CHRM2: variants seen among roughly 807,000 people sequenced by gnomAD.
CHRM2 encodes the protein cholinergic receptor muscarinic 2, also known as muscarinic acetylcholine receptor M2.
In CHRM2, 8 loss-of-function variants were observed where a neutral mutation model predicts 25.0. The observed-to-expected ratio is 0.32, with a 90% CI of 0.19 to 0.58. CHRM2 has a LOEUF of 0.58. CHRM2 is among the 20% of genes least tolerant of loss of function. The probability of loss-of-function intolerance (pLI) is 0.88; values close to 1 mark genes in which losing one functional copy is unlikely to be tolerated. For synonymous variants in CHRM2, 202 were observed against 205.7 expected (o/e 0.98, Z 0.15); for missense variants, 440 against 567.1 (o/e 0.78, Z 2.28).
chr7:136,876,856 G>A lies in CHRM2; in HGVS notation c.-125+7438G>A, dbSNP rs533346039. On this transcript the variant is annotated intron_variant, in intron 2 of 3. Coordinates refer to ENST00000680005, the MANE Select transcript of CHRM2 (RefSeq NM_001006630.2). Reference sequence around the variant, plus strand: ...GTCAATATTCATGTCACCAGGTATAGTGCTTTAAATGATAAGATTCTGAAT... The same window carrying A: ...GTCAATATTCATGTCACCAGGTATAATGCTTTAAATGATAAGATTCTGAAT... 2.6e-5 allele frequency among the ~76,000 whole-genome samples: 4 copies of A among 152,152 alleles called. No individual in the cohort carries two copies. The South Asian group carries it at 8.3e-4, about 32-fold the overall frequency.
intron 2 of CHRM2, among the ~76,000 whole-genome samples, chr7:136,971,382 G>A (rs1801756651): frequency 6.6e-6 from 1 of 152,114 alleles, no homozygotes; most frequent in South Asian, 2.1e-4. Flanking sequence ...TTGGGAGGCT[G>A]AGGCAGGGGG....
chr7:136,913,123 T>G (rs1797931168), intron 2 of CHRM2, among the ~76,000 whole-genome samples: 1 of 151,958 alleles, frequency 6.6e-6, no homozygotes, highest in Non-Finnish European at 1.5e-5. Context: ...TACATTAAGC[T>G]CCTGACAAAC....
At chr7:136,964,766 C>T (rs1393590845) in intron 2 of CHRM2, among the ~76,000 whole-genome samples, 1 of 152,144 alleles carries the variant, frequency 6.6e-6, no homozygotes, top group Non-Finnish European at 1.5e-5. Flanking sequence ...GACATCTGTT[C>T]AGTTTTCTTA....
At chr7:136,977,012 A>C (rs145787934) in intron 2 of CHRM2, among the ~76,000 whole-genome samples, 1 of 152,166 alleles carries the variant, frequency 6.6e-6, no homozygotes, top group African/African-American at 2.4e-5. Flanking sequence ...TAACATTCCT[A>C]TTGTACTGTG....
At chr7:136,876,735 G>A (rs959968370) in intron 2 of CHRM2, among the ~76,000 whole-genome samples, 3 of 151,926 alleles carry the variant, frequency 2.0e-5, no homozygotes, top group South Asian at 2.1e-4. Context: ...GTATTTATTG[G>A]GCTCAGAAAA....
At chr7:136,986,913 A>G (rs781401273) in intron 2 of CHRM2, among the ~76,000 whole-genome samples, 1 of 152,170 alleles carries the variant, frequency 6.6e-6, no homozygotes, top group African/African-American at 2.4e-5. Flanking sequence ...ATTTATTAGT[A>G]TATGCATTCA....
At chr7:136,971,634 A>C (rs187674743) in intron 2 of CHRM2, among the ~76,000 whole-genome samples, 6 of 151,086 alleles carry the variant, frequency 4.0e-5, no homozygotes, top group African/African-American at 1.2e-4. Flanking sequence ...AAAAAAAAAA[A>C]AAAGACTTGC....
chr7:136,929,699 T>C (rs1215693742), intron 2 of CHRM2, among the ~76,000 whole-genome samples: 2 of 151,598 alleles, frequency 1.3e-5, no homozygotes, highest in African/African-American at 4.8e-5. Context: ...GAAAAGAAAA[T>C]AAAAAGAACG....
At chr7:136,955,380 A>C (rs1034889343) in intron 2 of CHRM2, among the ~76,000 whole-genome samples, 5 of 152,258 alleles carry the variant, frequency 3.3e-5, no homozygotes, top group Admixed American at 3.3e-4. Flanking sequence ...ACTTCCTTGG[A>C]ATACTCTTGT....
intron 3 of CHRM2, among the ~76,000 whole-genome samples, chr7:137,010,729 G>C (rs180912248): frequency 2.6e-4 from 40 of 152,084 alleles, no homozygotes; most frequent in Non-Finnish European, 5.4e-4. Context: ...TTCAGAGACT[G>C]TAATAGCAAC....
intron 2 of CHRM2, among the ~76,000 whole-genome samples, chr7:136,947,891 C>A (rs1800162519): frequency 6.6e-6 from 1 of 151,952 alleles, no homozygotes; most frequent in Non-Finnish European, 1.5e-5. Context: ...AGCCTCAATT[C>A]CTAATAATAT....
At chr7:136,884,297 T>G (rs7808459) in intron 2 of CHRM2, among the ~76,000 whole-genome samples, 36,374 of 151,970 alleles carry the variant, frequency 0.24, 5,017 homozygotes, top group African/African-American at 0.38. Context: ...AGTGCCAAAT[T>G]TGCAAAAATT....
intron 2 of CHRM2, among the ~76,000 whole-genome samples, chr7:136,932,180 G>C (rs950835249): frequency 1.3e-5 from 2 of 152,190 alleles, no homozygotes; most frequent in Non-Finnish European, 2.9e-5. Flanking sequence ...GCGCACAACT[G>C]TTTGTCAACC....
intron 2 of CHRM2, among the ~76,000 whole-genome samples, chr7:136,970,084 T>A (rs1039356897): frequency 6.6e-6 from 1 of 152,140 alleles, no homozygotes; most frequent in Non-Finnish European, 1.5e-5. Context: ...CATGATCTCA[T>A]CTAACCCTAA....
intron 3 of CHRM2, among the ~76,000 whole-genome samples, chr7:137,005,639 G>A (rs906403116): frequency 1.1e-4 from 17 of 151,976 alleles, no homozygotes; most frequent in African/African-American, 3.1e-4. Flanking sequence ...CATGTGCTCT[G>A]TCTCAGCTTC....
chr7:136,987,612 G>C (rs1802945177), intron 2 of CHRM2, among the ~76,000 whole-genome samples: 2 of 152,222 alleles, frequency 1.3e-5, no homozygotes, highest in Non-Finnish European at 2.9e-5. Flanking sequence ...CTGCCACTGT[G>C]CTTCACACTG....
chr7:136,897,130 CAA>C (rs371077556), intron 2 of CHRM2, among the ~76,000 whole-genome samples: 37 of 76,258 alleles, frequency 4.9e-4, no homozygotes, highest in Admixed American at 4.3e-4. Context: ...GTAGGTTGGC[CAA>C]AAAAAAAAAA....
rs1294137285 is a variant in CHRM2 at position 136,969,799 on chromosome 7, C to T, written c.-124-22388C>T. 2.0e-5 allele frequency among the ~76,000 whole-genome samples: 3 copies of T among 152,150 alleles called. No homozygotes were observed. In the East Asian group the frequency reaches 5.8e-4, roughly 29 times the overall value. On this transcript the variant is annotated intron_variant, in intron 2 of 3. Coordinates refer to ENST00000680005, the MANE Select transcript of CHRM2 (RefSeq NM_001006630.2). ...TCATTTTAACATTATTGTTTCAAAA[C>T]CAATATTTCCCACTGGCTATGGGAT...
chr7:136,879,098 C>T (rs1270572260), intron 2 of CHRM2, among the ~76,000 whole-genome samples: 1 of 151,858 alleles, frequency 6.6e-6, no homozygotes, highest in Non-Finnish European at 1.5e-5. Context: ...TTTAAAAGTG[C>T]TTGAGCCTTC....
Sources: allele counts gnomAD v4.1 joint callset (sites outside exome capture counted in the v4.1 genomes callset), GRCh38; gene constraint gnomAD v4.1.1; transcripts MANE v1.5; gene names NCBI Gene and HGNC (gene_info 2026-07-23, HGNC 2026-07-21).